GDPD4: variants seen among roughly 807,000 people sequenced by gnomAD.
GDPD4 encodes glycerophosphodiester phosphodiesterase domain containing 4, also known as glycerophosphodiester phosphodiesterase 6.
A neutral mutation model predicts 67.8 loss-of-function variants in GDPD4; 60 were observed. The observed-to-expected ratio is 0.88, with a 90% CI of 0.72 to 1.10. The LOEUF (loss-of-function observed/expected upper bound fraction) is 1.10. Ranked by LOEUF, GDPD4 falls within the 50% of genes least tolerant of loss-of-function variation. The probability of loss-of-function intolerance (pLI) is 0.00; values close to 1 mark genes in which losing one functional copy is unlikely to be tolerated. For missense variants in GDPD4, 623 were observed against 613.9 expected, an observed-to-expected ratio of 1.01 and a Z score of -0.16; for synonymous variants, 212 against 210.9, an observed-to-expected ratio of 1.00 and a Z score of -0.04.
chr11:77,268,285 G>A (rs1414610039), intron 10 of GDPD4, among the ~76,000 whole-genome samples, 172 bp downstream of exon 10: 1 of 152,030 alleles, frequency 6.6e-6, no homozygotes, highest in African/African-American at 2.4e-5. Flanking sequence ...GAGATGCAGA[G>A]GTGCGGTTTG....
intron 11 of GDPD4, among the ~76,000 whole-genome samples, chr11:77,251,588 T>C (rs1958899559): frequency 6.6e-6 from 1 of 152,210 alleles, no homozygotes; most frequent in African/African-American, 2.4e-5. Context: ...TGAGAATTCC[T>C]TTATATGTGA....
At chr11:77,253,643 C>G (rs899669258) in intron 11 of GDPD4, among the ~76,000 whole-genome samples, 6 of 152,146 alleles carry the variant, frequency 3.9e-5, no homozygotes, top group African/African-American at 1.4e-4. Flanking sequence ...AGTTGCTCAG[C>G]TCAGCCAAAA....
chr11:77,248,252 G>T (rs1280156630), intron 11 of GDPD4, among the ~76,000 whole-genome samples: 5 of 150,062 alleles, frequency 3.3e-5, no homozygotes, highest in Non-Finnish European at 5.9e-5. Context: ...GCCCAGGCTG[G>T]AGTGCAGTGG....
At chr11:77,245,977 CT>C (rs1958776572) in intron 11 of GDPD4, among the ~76,000 whole-genome samples, 1 of 152,206 alleles carries the variant, frequency 6.6e-6, no homozygotes, top group African/African-American at 2.4e-5. Context: ...CCTCATGAAG[CT>C]TTCCTTTAAT....
chr11:77,249,438 G>A (rs1958848197), intron 11 of GDPD4, among the ~76,000 whole-genome samples: 1 of 152,034 alleles, frequency 6.6e-6, no homozygotes, highest in Non-Finnish European at 1.5e-5. Context: ...TAGACTTCTG[G>A]TTTCTGGTTC....
chr11:77,221,730 T>C (rs575502625), intron 16 of GDPD4, among the ~76,000 whole-genome samples: 1 of 152,222 alleles, frequency 6.6e-6, no homozygotes, highest in Non-Finnish European at 1.5e-5. Flanking sequence ...TGGACAGTTC[T>C]GTAGCTGTCT....
intron 15 of GDPD4, among the ~76,000 whole-genome samples, chr11:77,228,803 C>T (rs1041450522): frequency 6.6e-6 from 1 of 152,222 alleles, no homozygotes; most frequent in Admixed American, 6.5e-5. Context: ...GGTTTATGAA[C>T]TTGCTCTTTG....
At position 77,243,767 on chromosome 11, in the gene GDPD4, T is replaced by C. The variant is rs11237145; in HGVS notation, c.1168A>G (p.Ile390Val). The change falls in exon 13 of 17, where the codon ATT becomes GTT. Residue 390 changes from isoleucine to valine, a missense_variant. Physicochemically the swap from Ile to Val is conservative, Grantham distance 29 (BLOSUM62 3). Transcript: ENST00000315938. ...GFQHVGRLVS[I>V]ETLAKNNISI... ...ATATTGTTTTTAGCAAGGGTTTCAA[T>C]GGATACTAAACGGCCCACATGCTGA... 546,435 of 1,609,524 alleles carry C rather than the reference T, an allele frequency of 0.34. 97,841 individuals are homozygous for C. Among genetic ancestry groups the C allele is most frequent in the South Asian group, 0.42 (38,337 of 90,808 alleles).
intron 16 of GDPD4, 129 bp downstream of exon 16, chr11:77,227,735 T>G: frequency 5.6e-5 from 24 of 426,384 alleles, no homozygotes; most frequent in East Asian, 1.2e-4. Flanking sequence ...CCCTGGTCCC[T>G]CCCCCAACCC....
intron 2 of GDPD4, chr11:77,286,943 G>C (rs533554184): frequency 3.9e-5 from 6 of 152,236 alleles, no homozygotes; most frequent in Admixed American, 2.0e-4. Context: ...AAGATTCACT[G>C]AATGAATAAA....
At chr11:77,253,013 A>G (rs1958936479) in intron 11 of GDPD4, among the ~76,000 whole-genome samples, 1 of 152,210 alleles carries the variant, frequency 6.6e-6, no homozygotes, top group South Asian at 2.1e-4. Flanking sequence ...GCAAATGTTT[A>G]CATTGGCAGA....
intron 16 of GDPD4, among the ~76,000 whole-genome samples, chr11:77,225,410 G>GAAAT (rs1488526720): frequency 2.0e-5 from 3 of 151,718 alleles, no homozygotes; most frequent in African/African-American, 4.8e-5. Flanking sequence ...AATATTTGAA[G>GAAAT]AAATAAAGAC....
At chr11:77,272,095 T>G (rs1333191174) in intron 5 of GDPD4, among the ~76,000 whole-genome samples, 1 of 152,214 alleles carries the variant, frequency 6.6e-6, no homozygotes, top group Admixed American at 6.5e-5. Flanking sequence ...CTCCTTTCCA[T>G]AATCTCTACA....
At position 77,227,910 on chromosome 11, in the gene GDPD4, T is replaced by C; in HGVS notation, c.1479A>G (p.Arg493=). 1.2e-6 allele frequency: 2 copies of C among 1,612,178 alleles called. No individual in the cohort carries two copies. The highest frequency in any genetic ancestry group is 1.7e-6 in the Non-Finnish European group (2 of 1,178,260). The stretch of plus-strand genomic sequence containing the variant: ...CAAACAATTTTTCTTTTTCAGTCTC[T>C]CTCCGCCTAGAAGGAAGCAGACCAT... ...IVAIFCFHWR[R]ETEKEKLFET... Residue 493 remains arginine, a synonymous_variant, in exon 16 of 17, where the codon AGA becomes AGG. Transcript: ENST00000315938.
chr11:77,276,614 G>A (rs1045431802), intron 4 of GDPD4, among the ~76,000 whole-genome samples: 1 of 152,208 alleles, frequency 6.6e-6, no homozygotes, highest in Non-Finnish European at 1.5e-5. Flanking sequence ...AGAAAGGTCA[G>A]GAGGCAGCCC....
chr11:77,218,780 A>C (rs575436889), intron 16 of GDPD4, among the ~76,000 whole-genome samples: 2 of 152,236 alleles, frequency 1.3e-5, no homozygotes, highest in South Asian at 2.1e-4. Flanking sequence ...TTCTTAATCC[A>C]GTCTATCACT....
intron 1 of GDPD4, among the ~76,000 whole-genome samples, chr11:77,290,677 A>T (rs1182220993): frequency 1.3e-5 from 2 of 152,216 alleles, no homozygotes; most frequent in African/African-American, 4.8e-5. Flanking sequence ...TTTCAAATAA[A>T]TAATTATGCA....
At chr11:77,281,721 A>C (rs1297684867) in intron 3 of GDPD4, among the ~76,000 whole-genome samples, 1 of 152,194 alleles carries the variant, frequency 6.6e-6, no homozygotes, top group Non-Finnish European at 1.5e-5. Flanking sequence ...TTGGAACCTT[A>C]CAGGGTTACA....
intron 16 of GDPD4, among the ~76,000 whole-genome samples, chr11:77,222,001 A>ATCTT (rs1258943200): frequency 6.6e-6 from 1 of 152,020 alleles, no homozygotes; most frequent in Non-Finnish European, 1.5e-5. Context: ...GTCTCTTTTG[A>ATCTT]TCTTTGTTGG....
Sources: gnomAD v4.1 joint callset for allele counts (sites outside exome capture counted in the v4.1 genomes callset) on GRCh38, gnomAD v4.1.1 for gene constraint, MANE v1.5 for transcripts, NCBI Gene and HGNC (gene_info 2026-07-23, HGNC 2026-07-21) for gene names.